Variants in ADRA1B observed in about 807,000 individuals in gnomAD.
The protein encoded by ADRA1B is adrenoceptor alpha 1B.
Under a neutral mutation model 17.9 loss-of-function variants are expected in ADRA1B, and 17 were observed. That is an observed-to-expected ratio of 0.95 (90% confidence interval 0.65 to 1.42). The LOEUF (loss-of-function observed/expected upper bound fraction) is 1.42. Among genes scored for constraint, ADRA1B ranks in the 40% most tolerant of loss-of-function variants. The pLI is 0.00. For synonymous variants in ADRA1B, 366 were observed against 327.6 expected, an observed-to-expected ratio of 1.12 and a Z score of -1.27; for missense variants, 681 against 722.1, an observed-to-expected ratio of 0.94 and a Z score of 0.65.
upstream of ADRA1B, chr5:159,916,436 G>C (rs1754305348): frequency 6.6e-6 from 1 of 151,892 alleles, no homozygotes; most frequent in Non-Finnish European, 1.5e-5. Flanking sequence ...CTAGTGCCGC[G>C]CGGAGTCAGG....
At chr5:159,963,436 C>T (rs138655568) in intron 1 of ADRA1B, among the ~76,000 whole-genome samples, 9 of 152,226 alleles carry the variant, frequency 5.9e-5, no homozygotes, top group African/African-American at 1.9e-4. Context: ...CCTCGGGCAA[C>T]TTACCTATAT....
At chr5:159,945,356 A>C (rs1226371017) in intron 1 of ADRA1B, among the ~76,000 whole-genome samples, 3 of 152,200 alleles carry the variant, frequency 2.0e-5, no homozygotes, top group Non-Finnish European at 4.4e-5. Flanking sequence ...TGTCTAAAAA[A>C]TTAATAAATA....
intron 1 of ADRA1B, among the ~76,000 whole-genome samples, chr5:159,966,430 A>C (rs1561611164): frequency 6.6e-6 from 1 of 152,198 alleles, no homozygotes; most frequent in Non-Finnish European, 1.5e-5. Context: ...GGACAGTATG[A>C]AACTGGCCCA....
At chr5:159,955,822 C>A (rs1469130515) in intron 1 of ADRA1B, among the ~76,000 whole-genome samples, 1 of 152,188 alleles carries the variant, frequency 6.6e-6, no homozygotes, top group Non-Finnish European at 1.5e-5. Context: ...CCCAGAAAGG[C>A]CATGACCCAG....
upstream of ADRA1B, among the ~76,000 whole-genome samples, chr5:159,913,673 C>G (rs961344514): frequency 4.6e-5 from 7 of 151,250 alleles, no homozygotes; most frequent in African/African-American, 1.5e-4. Flanking sequence ...TTTTTTTCAT[C>G]CTGGCCTTTT....
At chr5:159,894,009 G>A (rs1228748054) in intron 1 of ADRA1B, among the ~76,000 whole-genome samples, 2 of 152,186 alleles carry the variant, frequency 1.3e-5, no homozygotes, top group Admixed American at 1.3e-4. Context: ...GATAGACCCA[G>A]TTTCACAGGA....
At chr5:159,908,705 GTGT>G (rs1288793659) in intron 1 of ADRA1B, among the ~76,000 whole-genome samples, 1 of 152,226 alleles carries the variant, frequency 6.6e-6, no homozygotes, top group Non-Finnish European at 1.5e-5. Flanking sequence ...TACCACGGAA[GTGT>G]TGTTCGGAGA....
chr5:159,935,106 G>A (rs1291178429), intron 1 of ADRA1B, among the ~76,000 whole-genome samples: 2 of 152,136 alleles, frequency 1.3e-5, no homozygotes, highest in African/African-American at 2.4e-5. Context: ...TGACAAATTC[G>A]ATGAATGGGC....
downstream of ADRA1B, among the ~76,000 whole-genome samples, chr5:159,977,231 A>T (rs762022626): frequency 6.6e-6 from 1 of 152,202 alleles, no homozygotes; most frequent in African/African-American, 2.4e-5. Flanking sequence ...TTCAACAAAT[A>T]TGGCTTCCTC....
chr5:159,886,700 A>G (rs1282569157), intron 1 of ADRA1B, among the ~76,000 whole-genome samples: 3 of 152,182 alleles, frequency 2.0e-5, no homozygotes, highest in Non-Finnish European at 4.4e-5. Context: ...CTAATATAAC[A>G]AACAGAAATG....
Position 159,972,126 on chromosome 5 carries a change from C to T in ADRA1B, c.1197C>T (p.Arg399=). 1 of 1,329,266 alleles carries T rather than the reference C, an allele frequency of 7.5e-7. No homozygotes were observed. The highest frequency in any genetic ancestry group is 9.7e-7 in the Non-Finnish European group (1 of 1,029,840). 82.3% of individuals were successfully genotyped at this position (1,329,266 alleles called of 1,614,324 possible). The change falls in exon 2 of 2, where the codon CGC becomes CGT. Residue 399 remains arginine, a synonymous_variant. Transcript: ENST00000306675. ...GGACGCGCGGCGGCTCGCTGGAGCGCTCGCAGTCGCGCAAGGACTCGCTGG... is the reference window on the plus strand; with the variant it reads ...GGACGCGCGGCGGCTCGCTGGAGCGTTCGCAGTCGCGCAAGGACTCGCTGG... ...RPWTRGGSLE[R]SQSRKDSLDD...
At position 159,953,864 on chromosome 5, in the gene ADRA1B, G is replaced by C. The variant is rs1211927706; in HGVS notation, c.950-18015G>C. Among the ~76,000 whole-genome samples the C allele has an allele frequency of 2.6e-5, 4 of 151,784 alleles. No homozygotes were observed. The East Asian group carries it at 5.8e-4, about 22-fold the overall frequency. On this transcript the variant is annotated intron_variant, in intron 1 of 1. Coordinates refer to ENST00000306675, the MANE Select transcript of ADRA1B (RefSeq NM_000679.4). ...CAAAACCTATGCCAAATTGAGAATGGAGCATTTATCTATGTGAAAAGAGCT... is the reference window on the plus strand; with the variant it reads ...CAAAACCTATGCCAAATTGAGAATGCAGCATTTATCTATGTGAAAAGAGCT...
At chr5:159,865,242 T>C (rs1207078461) in intron 1 of ADRA1B, 1 of 152,172 alleles carries the variant, frequency 6.6e-6, no homozygotes, top group Non-Finnish European at 1.5e-5. Context: ...GCAGTCAAGA[T>C]GAAATCCACT....
intron 1 of ADRA1B, chr5:159,947,611 A>G (rs1000662746): frequency 3.5e-5 from 25 of 720,662 alleles, no homozygotes; most frequent in Non-Finnish European, 4.1e-5. Context: ...CTTTTTTTCA[A>G]TACACTGGCT....
intron 1 of ADRA1B, among the ~76,000 whole-genome samples, chr5:159,966,239 C>T (rs1755774200): frequency 6.6e-6 from 1 of 152,204 alleles, no homozygotes; most frequent in Admixed American, 6.5e-5. Flanking sequence ...CAGGGATTTA[C>T]AGGGACAATA....
At chr5:159,926,318 A>G (rs1469872949) in intron 1 of ADRA1B, among the ~76,000 whole-genome samples, 1 of 151,122 alleles carries the variant, frequency 6.6e-6, no homozygotes, top group Non-Finnish European at 1.5e-5. Flanking sequence ...ATCAGTAATC[A>G]CTCCCTTTAT....
intron 1 of ADRA1B, among the ~76,000 whole-genome samples, chr5:159,943,049 T>C (rs1349174622): frequency 6.6e-6 from 1 of 152,022 alleles, no homozygotes; most frequent in African/African-American, 2.4e-5. Flanking sequence ...CCGTCTCTAC[T>C]AAAAATACAA....
chr5:159,905,861 A>AT (rs34796078), intron 1 of ADRA1B, among the ~76,000 whole-genome samples: 55,025 of 146,630 alleles, frequency 0.38, 10,930 homozygotes, highest in Non-Finnish European at 0.46. Flanking sequence ...AGTCAATGCC[A>AT]TTTTTTTTTT....
chr5:159,875,976 G>GT (rs772328197), intron 1 of ADRA1B, among the ~76,000 whole-genome samples: 53 of 152,172 alleles, frequency 3.5e-4, no homozygotes, highest in Non-Finnish European at 4.7e-4. Flanking sequence ...ATCACTTGAG[G>GT]TCAGGAGTTC....
Sources: gnomAD v4.1 joint callset for allele counts (sites outside exome capture counted in the v4.1 genomes callset) on GRCh38, gnomAD v4.1.1 for gene constraint, MANE v1.5 for transcripts, NCBI Gene and HGNC (gene_info 2026-07-23, HGNC 2026-07-21) for gene names.